The following SLC71A1 variants were observed in gnomAD, a reference collection of about 807,000 sequenced individuals.
The protein encoded by SLC71A1 is hippocampus abundant gene transcript 1.
chr1:100,055,903 C>A, the SLC71A1 span, among the ~76,000 whole-genome samples: 1 of 152,088 alleles, frequency 6.6e-6, no homozygotes, highest in Non-Finnish European at 1.5e-5. Context: ...CAGGCACCTG[C>A]CACCATACCC....
the SLC71A1 span, among the ~76,000 whole-genome samples, chr1:100,056,298 T>G: frequency 3.3e-5 from 5 of 152,252 alleles, no homozygotes; most frequent in South Asian, 8.3e-4. Context: ...CTTATTTCAC[T>G]TAACATAATG....
chr1:100,051,458 GTTTTTT>G, the SLC71A1 span, among the ~76,000 whole-genome samples: 1 of 134,016 alleles, frequency 7.5e-6, no homozygotes, highest in African/African-American at 2.7e-5. Flanking sequence ...ATATCAGAGG[GTTTTTT>G]TTTTTTTTTT....
At chr1:100,072,345 C>T in the SLC71A1 span, among the ~76,000 whole-genome samples, 1 of 152,178 alleles carries the variant, frequency 6.6e-6, no homozygotes, top group Admixed American at 6.5e-5. Context: ...CCCCTTCCTC[C>T]ACCCTAAGTA....
the SLC71A1 span, among the ~76,000 whole-genome samples, chr1:100,059,144 GTTTTTTTTTTTT>G: frequency 9.3e-5 from 7 of 75,416 alleles, no homozygotes; most frequent in African/African-American, 3.0e-4. Context: ...TCTTTTTCGT[GTTTTTTTTTTTT>G]TTTTTTTTTT....
At chr1:100,059,417 A>G in the SLC71A1 span, among the ~76,000 whole-genome samples, 1 of 151,358 alleles carries the variant, frequency 6.6e-6, no homozygotes, top group African/African-American at 2.4e-5. Context: ...CGACCTCCCA[A>G]AGTGTTGAGA....
At chr1:100,076,924 A>C in the SLC71A1 span, among the ~76,000 whole-genome samples, 1 of 152,144 alleles carries the variant, frequency 6.6e-6, no homozygotes, top group Admixed American at 6.6e-5. Flanking sequence ...CCTCAGTAGA[A>C]ATGTACTGAA....
At chr1:100,057,622 G>C in the SLC71A1 span, among the ~76,000 whole-genome samples, 1 of 151,868 alleles carries the variant, frequency 6.6e-6, no homozygotes, top group Non-Finnish European at 1.5e-5. Flanking sequence ...CCAAAGTGTT[G>C]GGATTACAGG....
chr1:100,073,248 C>T, the SLC71A1 span, among the ~76,000 whole-genome samples: 1 of 152,246 alleles, frequency 6.6e-6, no homozygotes, highest in Admixed American at 6.5e-5. Flanking sequence ...TCCATCTGGT[C>T]TCTCTGCTTC....
chr1:100,083,034 A>C, the SLC71A1 span: 3 of 152,516 alleles, frequency 2.0e-5, no homozygotes, highest in Non-Finnish European at 4.4e-5. Context: ...TATGTAGATA[A>C]ATATATATAG....
the SLC71A1 span, among the ~76,000 whole-genome samples, chr1:100,070,247 G>T: frequency 6.6e-6 from 1 of 152,182 alleles, no homozygotes; most frequent in Non-Finnish European, 1.5e-5. Flanking sequence ...CAGCAGAGAC[G>T]CAAAGGTATG....
chr1:100,048,624 A>G, the SLC71A1 span, among the ~76,000 whole-genome samples: 2 of 152,068 alleles, frequency 1.3e-5, no homozygotes, highest in South Asian at 2.1e-4. Flanking sequence ...TGTTCCTTTT[A>G]TCTTCCTCTT....
the SLC71A1 span, chr1:100,082,340 CGTGGGAACTAAAGGAA>C: frequency 1.2e-5 from 8 of 693,706 alleles, no homozygotes; most frequent in Non-Finnish European, 1.7e-5. Context: ...GCATGAACTC[CGTGGGAACTAAAGGAA>C]GTGGGAACTT....
At chr1:100,067,895 A>T in the SLC71A1 span, 1 of 1,082,164 alleles carries the variant, frequency 9.2e-7, no homozygotes. Context: ...GCCTGACATA[A>T]ATCAAGATTA....
At chr1:100,060,123 T>C in the SLC71A1 span, 1 of 908,486 alleles carries the variant, frequency 1.1e-6, no homozygotes, top group South Asian at 2.1e-5. Context: ...TTTATTTTTC[T>C]AATACATTTA....
At chr1:100,053,444 AT>A in the SLC71A1 span, among the ~76,000 whole-genome samples, 1 of 152,198 alleles carries the variant, frequency 6.6e-6, no homozygotes, top group Non-Finnish European at 1.5e-5. Context: ...TTTAACATTC[AT>A]TTTAAAAGGA....
At chr1:100,040,098 T>C in the SLC71A1 span, among the ~76,000 whole-genome samples, 11 of 152,230 alleles carry the variant, frequency 7.2e-5, no homozygotes, top group Non-Finnish European at 1.2e-4. Flanking sequence ...CTCATCTTTA[T>C]ACACTTAATA....
chr1:100,055,213 G>A, the SLC71A1 span, among the ~76,000 whole-genome samples: 6 of 152,268 alleles, frequency 3.9e-5, no homozygotes, highest in Middle Eastern at 3.4e-3. Context: ...GGCCCTATGT[G>A]ATTATTGAAA....
the SLC71A1 span, among the ~76,000 whole-genome samples, chr1:100,057,353 CTTTCTT>C: frequency 7.6e-6 from 1 of 131,668 alleles, no homozygotes. Context: ...TTTCCTTTTT[CTTTCTT>C]TTTTTTTTTT....
At chr1:100,065,417 T>A in the SLC71A1 span, among the ~76,000 whole-genome samples, 2 of 152,180 alleles carry the variant, frequency 1.3e-5, no homozygotes, top group Non-Finnish European at 2.9e-5. Flanking sequence ...TTAATCTCTA[T>A]GCTTTGAAAG....
Sources: allele counts gnomAD v4.1 joint callset (sites outside exome capture counted in the v4.1 genomes callset), GRCh38; gene constraint gnomAD v4.1.1; transcripts MANE v1.5; gene names NCBI Gene and HGNC (gene_info 2026-07-23, HGNC 2026-07-21).